The following RARB variants were observed in gnomAD, a reference collection of about 807,000 sequenced individuals.
RARB encodes the protein HBV-activated protein.
A neutral mutation model predicts 51.9 loss-of-function variants in RARB; 17 were observed. The observed-to-expected ratio is 0.33, with a 90% CI of 0.22 to 0.49. The LOEUF is 0.49. Among genes scored for constraint, RARB ranks in the 20% least tolerant of loss-of-function variants. The pLI is 0.99. For missense variants in RARB, 369 were observed against 550.8 expected, an observed-to-expected ratio of 0.67 and a Z score of 3.30; for synonymous variants, 215 against 195.4, an observed-to-expected ratio of 1.10 and a Z score of -0.84.
intron 2 of RARB, among the ~76,000 whole-genome samples, chr3:24,913,194 C>T (rs1215104133): frequency 1.3e-5 from 2 of 151,550 alleles, no homozygotes; most frequent in East Asian, 1.9e-4. Flanking sequence ...CTGTGTTAGC[C>T]ACGATGGTCT....
intron 5 of RARB, among the ~76,000 whole-genome samples, chr3:25,240,112 G>A (rs1458606497): frequency 2.0e-5 from 3 of 151,238 alleles, no homozygotes; most frequent in Admixed American, 2.0e-4. Context: ...AAATGGGATT[G>A]CATTCTTGAT....
intron 3 of RARB, among the ~76,000 whole-genome samples, chr3:25,082,264 A>G (rs1487194661): frequency 3.3e-5 from 5 of 152,064 alleles, no homozygotes; most frequent in Non-Finnish European, 5.9e-5. Flanking sequence ...TGTTATATTT[A>G]TATAAGTTGG....
chr3:25,286,674 C>A (rs1350295402), intron 5 of RARB, among the ~76,000 whole-genome samples: 5 of 152,174 alleles, frequency 3.3e-5, no homozygotes, highest in Admixed American at 6.6e-5. Flanking sequence ...TCCTTCCCCC[C>A]AATTGATTTA....
chr3:25,060,216 T>G (rs1343932715), intron 3 of RARB: 1 of 151,764 alleles, frequency 6.6e-6, no homozygotes, highest in Admixed American at 6.6e-5. Context: ...TTTGAACAAA[T>G]ATTTTGAAAA....
At chr3:24,971,605 T>C (rs1349158376) in intron 2 of RARB, among the ~76,000 whole-genome samples, 1 of 152,034 alleles carries the variant, frequency 6.6e-6, no homozygotes, top group African/African-American at 2.4e-5. Flanking sequence ...AGAAGAGACA[T>C]TGGTAGCCTT....
At chr3:24,897,693 A>G (rs1415996529) in intron 2 of RARB, among the ~76,000 whole-genome samples, 1 of 151,134 alleles carries the variant, frequency 6.6e-6, no homozygotes, top group Non-Finnish European at 1.5e-5. Flanking sequence ...TCTTAAAACC[A>G]GAGTGCCTTC....
rs564209984 is a variant in RARB at position 25,356,589 on chromosome 3, T to C, written c.179-104604T>C. On this transcript the variant is annotated intron_variant, in intron 5 of 11. Coordinates refer to the RARB transcript ENST00000383772. ...CGCAGGTTTGTTACATAGGTATACA[T>C]GTGCCATGGTGGTTTGCTGCACCCA... Among the ~76,000 whole-genome samples, 23 of 152,204 alleles carry C rather than the reference T, an allele frequency of 1.5e-4. No individual in the cohort carries two copies. The South Asian group carries it at 4.6e-3, about 30-fold the overall frequency.
At chr3:25,425,684 CAGAG>C (rs1353415983), upstream of RARB, among the ~76,000 whole-genome samples, 2 of 152,144 alleles carry the variant, frequency 1.3e-5, no homozygotes, top group South Asian at 2.1e-4. Flanking sequence ...TTACCACACA[CAGAG>C]AGAGACACAC....
At position 25,267,585 on chromosome 3, in the gene RARB, G is replaced by T. The variant is rs1031521148; in HGVS notation, c.178+93010G>T. Reference sequence around the variant, plus strand: ...AGAATAACTTTCTGGCTTGAGAGTGGTGTTTGGATGCTGGAATCCTACAGA... The same window carrying T: ...AGAATAACTTTCTGGCTTGAGAGTGTTGTTTGGATGCTGGAATCCTACAGA... On this transcript the variant is annotated intron_variant, in intron 5 of 11. Transcript: ENST00000383772. Among the ~76,000 whole-genome samples, 3 of 152,156 alleles carry T rather than the reference G, an allele frequency of 2.0e-5. No homozygotes were observed. In the South Asian group the frequency reaches 6.2e-4, roughly 32 times the overall value.
intron 5 of RARB, among the ~76,000 whole-genome samples, chr3:25,203,272 T>C (rs1419589707): frequency 6.6e-6 from 1 of 152,192 alleles, no homozygotes; most frequent in Non-Finnish European, 1.5e-5. Context: ...TTTTTTGTTT[T>C]CCATTTGCTT....
chr3:25,000,900 C>A (rs1324046184), intron 2 of RARB, among the ~76,000 whole-genome samples: 1 of 152,048 alleles, frequency 6.6e-6, no homozygotes, highest in South Asian at 2.1e-4. Flanking sequence ...GTGACTTTTT[C>A]AACAGAAAAA....
At chr3:25,263,085 C>A (rs1703045804) in intron 5 of RARB, among the ~76,000 whole-genome samples, 1 of 152,140 alleles carries the variant, frequency 6.6e-6, no homozygotes. Flanking sequence ...TTAACCTGTG[C>A]CCAGTAATTT....
chr3:25,029,933 A>G (rs1162630422), intron 2 of RARB, among the ~76,000 whole-genome samples: 1 of 152,196 alleles, frequency 6.6e-6, no homozygotes, highest in Admixed American at 6.5e-5. Context: ...ATGATGTATG[A>G]GACAGGGCCA....
chr3:24,855,842 C>T (rs1315814765), intron 1 of RARB, among the ~76,000 whole-genome samples: 2 of 150,170 alleles, frequency 1.3e-5, no homozygotes, highest in African/African-American at 4.9e-5. Flanking sequence ...AGCTCCGCGT[C>T]CCGGGTTCAT....
intron 3 of RARB, among the ~76,000 whole-genome samples, chr3:25,112,760 A>G (rs1699623887): frequency 6.6e-6 from 1 of 152,192 alleles, no homozygotes; most frequent in South Asian, 2.1e-4. Flanking sequence ...CCTGGGTAAC[A>G]GAGTGAGACC....
chr3:25,299,461 A>G (rs1302975479), intron 5 of RARB, among the ~76,000 whole-genome samples: 1 of 152,052 alleles, frequency 6.6e-6, no homozygotes, highest in East Asian at 1.9e-4. Context: ...TGGCCTCCCA[A>G]ATTGCTGGGA....
intron 3 of RARB, among the ~76,000 whole-genome samples, chr3:25,537,317 T>A (rs1358598153): frequency 6.6e-6 from 1 of 152,224 alleles, no homozygotes; most frequent in Non-Finnish European, 1.5e-5. Flanking sequence ...TATGTTCTTG[T>A]AAATTACTTC....
chr3:25,530,372 C>T (rs1378841955), intron 3 of RARB, among the ~76,000 whole-genome samples: 2 of 152,184 alleles, frequency 1.3e-5, no homozygotes, highest in Non-Finnish European at 2.9e-5. Flanking sequence ...GCACATTTAG[C>T]GGCTTGAACT....
At chr3:24,860,603 T>G (rs2125341592) in intron 2 of RARB, among the ~76,000 whole-genome samples, 1 of 152,118 alleles carries the variant, frequency 6.6e-6, no homozygotes. Flanking sequence ...CATAAATAAA[T>G]AATTTGAGGC....
Sources: allele counts gnomAD v4.1 joint callset (sites outside exome capture counted in the v4.1 genomes callset), GRCh38; gene constraint gnomAD v4.1.1; transcripts MANE v1.5; gene names NCBI Gene and HGNC (gene_info 2026-07-23, HGNC 2026-07-21).